Variants in KIF6 observed in about 807,000 individuals in gnomAD.
The protein encoded by KIF6 is kinesin-like protein KIF6.
In KIF6, 106 loss-of-function variants were observed where a neutral mutation model predicts 112.7. The observed-to-expected ratio is 0.94, with a 90% CI of 0.80 to 1.11. The LOEUF is 1.11. KIF6 is among the 50% of genes least tolerant of loss of function. The probability of loss-of-function intolerance (pLI) is 0.00; values close to 1 mark genes in which losing one functional copy is unlikely to be tolerated. For synonymous variants in KIF6, 339 were observed against 339.9 expected (o/e 1.00, Z 0.03); for missense variants, 929 against 964.0 (o/e 0.96, Z 0.48).
chr6:39,406,830 C>G (rs1346925553), intron 15 of KIF6, among the ~76,000 whole-genome samples: 1 of 152,164 alleles, frequency 6.6e-6, no homozygotes, highest in African/African-American at 2.4e-5. Context: ...CTCACTGTAG[C>G]CTCAAACTCC....
At chr6:39,345,818 A>C in intron 20 of KIF6, 29 bp from the exon 21 acceptor site, 4 of 1,548,062 alleles carry the variant, frequency 2.6e-6, no homozygotes, top group Non-Finnish European at 3.5e-6. Context: ...CAAAAGCAAA[A>C]GGAATGGGGG....
chr6:39,462,407 C>A (rs1387824095), intron 13 of KIF6, among the ~76,000 whole-genome samples: 2 of 151,934 alleles, frequency 1.3e-5, no homozygotes, highest in Non-Finnish European at 2.9e-5. Context: ...TAAAGTGAGA[C>A]CCTGATGACA....
At chr6:39,480,679 C>T (rs1468837675) in intron 13 of KIF6, among the ~76,000 whole-genome samples, 1 of 152,104 alleles carries the variant, frequency 6.6e-6, no homozygotes, top group Non-Finnish European at 1.5e-5. Context: ...GTGAGTCTAT[C>T]TGGTCCTGGG....
chr6:39,584,873 T>A (rs749028547), intron 9 of KIF6, 25 bp downstream of exon 9: 48 of 1,409,162 alleles, frequency 3.4e-5, no homozygotes, highest in African/African-American at 3.1e-4. Context: ...ATATATTTTT[T>A]AAAATATCGT....
At chr6:39,400,266 C>T (rs185130090) in intron 15 of KIF6, among the ~76,000 whole-genome samples, 43 of 152,206 alleles carry the variant, frequency 2.8e-4, no homozygotes, top group African/African-American at 8.7e-4. Context: ...CTTATAAAGG[C>T]GAGCAAGAGG....
chr6:39,665,196 T>C (rs970386366), intron 3 of KIF6, among the ~76,000 whole-genome samples: 1 of 152,136 alleles, frequency 6.6e-6, no homozygotes, highest in Non-Finnish European at 1.5e-5. Flanking sequence ...CCATGATGGG[T>C]CACCCCCATA....
At chr6:39,533,141 G>C (rs982430546) in intron 13 of KIF6, among the ~76,000 whole-genome samples, 3 of 152,208 alleles carry the variant, frequency 2.0e-5, no homozygotes, top group Admixed American at 6.5e-5. Context: ...TCTCACTAGG[G>C]AGTGCCAGAC....
chr6:39,368,928 CA>C (rs1189280005), intron 16 of KIF6, among the ~76,000 whole-genome samples: 1 of 152,204 alleles, frequency 6.6e-6, no homozygotes, highest in African/African-American at 2.4e-5. Context: ...CCATGGCAGA[CA>C]AGACATCAGA....
rs1033964066 is a variant in KIF6 at position 39,461,996 on chromosome 6, T to G, written c.1646-30835A>C. Reference sequence around the variant, plus strand: ...TAAATTAATTAAAATGAAATAAAATTAGAAATTCAGAGATAATTTCAATTG... The same window carrying G: ...TAAATTAATTAAAATGAAATAAAATGAGAAATTCAGAGATAATTTCAATTG... On this transcript the variant is annotated intron_variant, in intron 13 of 22. Coordinates refer to ENST00000287152, the MANE Select transcript of KIF6 (RefSeq NM_145027.6). 2.0e-5 allele frequency among the ~76,000 whole-genome samples: 3 copies of G among 152,326 alleles called. No individual in the cohort carries two copies. The East Asian group carries it at 5.8e-4, about 29-fold the overall frequency.
chr6:39,390,371 G>A (rs1767777030), intron 15 of KIF6, among the ~76,000 whole-genome samples: 1 of 152,188 alleles, frequency 6.6e-6, no homozygotes, highest in African/African-American at 2.4e-5. Context: ...GATACATTTA[G>A]AGGAGGGAAA....
At position 39,582,079 on chromosome 6, in the gene KIF6, C is replaced by G. The variant is rs544724214; in HGVS notation, c.1077+2819G>C. On this transcript the variant is annotated intron_variant, in intron 9 of 22. Transcript: ENST00000287152. ...TCATCAATCTATACAGAATGAAAAT[C>G]CTGAGATAGTAACTACATTGGCACC... Among the ~76,000 whole-genome samples, 203 of 152,142 alleles carry G rather than the reference C, an allele frequency of 1.3e-3. 1 individual carries two copies. Among genetic ancestry groups the G allele is most frequent in the African/African-American group, 4.3e-3 (179 of 41,504 alleles).
chr6:39,546,374 G>A lies in KIF6; in HGVS notation c.1182-686C>T, dbSNP rs1349464072. Among the ~76,000 whole-genome samples, 3 of 152,082 alleles carry A rather than the reference G, an allele frequency of 2.0e-5. No individual in the cohort carries two copies. The East Asian group carries it at 5.8e-4, about 29-fold the overall frequency. Reference sequence around the variant, plus strand: ...CTCTGCTTCTTCCAGGGCTTATCTAGTTAATTACCTCTTTTCCCTTAATCA... The same window carrying A: ...CTCTGCTTCTTCCAGGGCTTATCTAATTAATTACCTCTTTTCCCTTAATCA... On this transcript the variant is annotated intron_variant, in intron 10 of 22. Transcript: ENST00000287152.
At chr6:39,424,232 TTA>T (rs545231650) in intron 14 of KIF6, among the ~76,000 whole-genome samples, 140 of 152,268 alleles carry the variant, frequency 9.2e-4, no homozygotes, top group African/African-American at 3.2e-3. Flanking sequence ...GCCTAACCCC[TTA>T]GTTTCCACAG....
intron 13 of KIF6, 55 bp downstream of exon 13, chr6:39,539,948 C>T (rs772280637): frequency 1.0e-4 from 137 of 1,307,508 alleles, no homozygotes; most frequent in Non-Finnish European, 1.4e-4. Flanking sequence ...CTAAAGGGTG[C>T]TACATCGAAA....
intron 3 of KIF6, among the ~76,000 whole-genome samples, chr6:39,710,804 G>C (rs916360817): frequency 6.6e-6 from 1 of 152,062 alleles, no homozygotes; most frequent in African/African-American, 2.4e-5. Flanking sequence ...AGGAGGCCGA[G>C]GTGGGAGGAT....
chr6:39,478,014 GGATTTTATTACAT>G (rs1774538876), intron 13 of KIF6, among the ~76,000 whole-genome samples: 1 of 151,770 alleles, frequency 6.6e-6, no homozygotes, highest in Admixed American at 6.6e-5. Context: ...TTTGTTTTTT[GGATTTTATTACAT>G]GATTTTATTA....
intron 13 of KIF6, among the ~76,000 whole-genome samples, chr6:39,468,732 T>G (rs1773946935): frequency 6.6e-6 from 1 of 151,888 alleles, no homozygotes; most frequent in Non-Finnish European, 1.5e-5. Flanking sequence ...TCAGTTTAAG[T>G]GCAAGTGACT....
At chr6:39,589,039 T>C (rs1781790714) in intron 7 of KIF6, among the ~76,000 whole-genome samples, 1 of 152,200 alleles carries the variant, frequency 6.6e-6, no homozygotes, top group Non-Finnish European at 1.5e-5. Flanking sequence ...GTGTGGTCCA[T>C]CCCTGTTCGA....
intron 20 of KIF6, among the ~76,000 whole-genome samples, chr6:39,346,126 C>CCT (rs1763762669): frequency 1.3e-4 from 3 of 23,846 alleles, no homozygotes; most frequent in African/African-American, 4.9e-4. Flanking sequence ...CCTCTCCCTC[C>CCT]CTCTCCCTCT....
Sources: gnomAD v4.1 joint callset for allele counts (sites outside exome capture counted in the v4.1 genomes callset) on GRCh38, gnomAD v4.1.1 for gene constraint, MANE v1.5 for transcripts, NCBI Gene and HGNC (gene_info 2026-07-23, HGNC 2026-07-21) for gene names.